Variants in ZNF507 observed in about 807,000 individuals in gnomAD.
The protein encoded by ZNF507 is zinc finger protein 507.
In ZNF507, 29 loss-of-function variants were observed where a neutral mutation model predicts 80.0. That is an observed-to-expected ratio of 0.36 (90% CI 0.27 to 0.49). The LOEUF is 0.49. Ranked by LOEUF, ZNF507 falls within the 20% of genes least tolerant of loss-of-function variation. The probability of loss-of-function intolerance (pLI) is 0.98; values close to 1 mark genes in which losing one functional copy is unlikely to be tolerated. For synonymous variants in ZNF507, 462 were observed against 422.5 expected (o/e 1.09, Z -1.15); for missense variants, 1,081 against 1,152.2 (o/e 0.94, Z 0.90).
At position 32,353,319 on chromosome 19, in the gene ZNF507, A is replaced by T; in HGVS notation, c.489A>T (p.Thr163=). 1.2e-6 allele frequency: 2 copies of T among 1,614,234 alleles called. No individual in the cohort carries two copies. Among genetic ancestry groups the T allele is most frequent in the South Asian group, 2.2e-5 (2 of 91,088 alleles). ...VILMCSECHI[T]SRSQEELEAH... ...TGATGTGCTCAGAGTGCCATATTAC[A>T]TCTAGAAGCCAGGAGGAACTTGAAG... is the stretch of plus-strand genomic sequence containing the variant. The change falls in exon 3 of 7, where the codon ACA becomes ACT. Residue 163 remains threonine, a synonymous_variant. Transcript: ENST00000355898.
At chr19:32,350,224 A>T (rs1361930471) in intron 2 of ZNF507, among the ~76,000 whole-genome samples, 6 of 142,902 alleles carry the variant, frequency 4.2e-5, no homozygotes, top group Non-Finnish European at 4.6e-5. Flanking sequence ...TTTAACAGAG[A>T]CTTGTTTTTA....
At chr19:32,349,184 G>C (rs1210914824) in intron 2 of ZNF507, among the ~76,000 whole-genome samples, 1 of 152,164 alleles carries the variant, frequency 6.6e-6, no homozygotes, top group African/African-American at 2.4e-5. Context: ...GAACCAGGAC[G>C]ATGAATATTC....
chr19:32,363,180 T>G (rs1001036052), intron 5 of ZNF507, among the ~76,000 whole-genome samples: 3 of 152,244 alleles, frequency 2.0e-5, no homozygotes, highest in African/African-American at 7.2e-5. Flanking sequence ...GGTGCACTTA[T>G]GGTCAGAGTT....
At chr19:32,372,667 C>T (rs1001337847) in intron 5 of ZNF507, among the ~76,000 whole-genome samples, 1 of 151,926 alleles carries the variant, frequency 6.6e-6, no homozygotes, top group Non-Finnish European at 1.5e-5. Flanking sequence ...CTCAAGAGAA[C>T]TAACTCATTC....
At chr19:32,376,159 A>G (rs755255795) in intron 5 of ZNF507, among the ~76,000 whole-genome samples, 15 of 152,220 alleles carry the variant, frequency 9.9e-5, no homozygotes, top group Non-Finnish European at 2.1e-4. Context: ...GCCTTCCATA[A>G]TTCCAATTTT....
chr19:32,371,824 A>G (rs187054505), intron 5 of ZNF507, among the ~76,000 whole-genome samples: 117 of 151,936 alleles, frequency 7.7e-4, no homozygotes, highest in Middle Eastern at 3.4e-3. Flanking sequence ...TATTTTTAGT[A>G]GAGACGGGGT....
rs772700892 is a variant in ZNF507 at position 32,360,533 on chromosome 19, AGATGT to A, written c.2282_2286del (p.Asp761ValfsTer2). The A allele has an allele frequency of 6.3e-7, 1 of 1,594,884 alleles. No individual in the cohort carries two copies. The highest frequency in any genetic ancestry group is 8.5e-7 in the Non-Finnish European group (1 of 1,172,080). On this transcript the variant is annotated frameshift_variant, in exon 5 of 7. Coordinates refer to ENST00000355898, the MANE Select transcript of ZNF507 (RefSeq NM_001136156.2). LOFTEE classifies it high-confidence loss of function. ...TAAGTCTTCAGTCCAGAAACAATATAGATGTGATGTGTGTGATTATACAAGTACAA... is the reference window on the plus strand; with the variant it reads ...TAAGTCTTCAGTCCAGAAACAATATAGATGTGTGTGATTATACAAGTACAA...
intron 5 of ZNF507, among the ~76,000 whole-genome samples, chr19:32,378,246 G>C (rs555079855): frequency 6.6e-6 from 1 of 152,034 alleles, no homozygotes; most frequent in Non-Finnish European, 1.5e-5. Context: ...CCAGCTACTC[G>C]GGAGGCTGAG....
rs1490894957 is a variant in ZNF507, at chr19:32,384,053, T to G, written c.*970T>G. On this transcript the variant is annotated 3_prime_UTR_variant, in exon 7 of 7. Coordinates refer to ENST00000355898, the MANE Select transcript of ZNF507 (RefSeq NM_001136156.2). The stretch of plus-strand genomic sequence containing the variant: ...CCCTTAGGGGATGAGGGGTGAAATT[T>G]AAAAGCTCCTGAAAATGAGTACTGC... The G allele has an allele frequency of 6.6e-6, 1 of 152,240 alleles. No individual in the cohort carries two copies. Among genetic ancestry groups the G allele is most frequent in the African/African-American group, 2.4e-5 (1 of 41,464 alleles). The allele number at this position is 152,240 out of a possible 1,614,324, so 9.4% of individuals were successfully genotyped here.
At chr19:32,361,056 A>AT (rs1395344083) in intron 5 of ZNF507, among the ~76,000 whole-genome samples, 1 of 152,216 alleles carries the variant, frequency 6.6e-6, no homozygotes, top group Non-Finnish European at 1.5e-5. Context: ...TTATGTTTTC[A>AT]TTTCATATGG....
chr19:32,374,188 A>ACACACACT (rs57164942), intron 5 of ZNF507, among the ~76,000 whole-genome samples: 229 of 145,836 alleles, frequency 1.6e-3, no homozygotes, highest in Non-Finnish European at 2.5e-3. Context: ...ACACACACAC[A>ACACACACT]CTCTCTCTCT....
At chr19:32,378,311 A>G (rs891742508) in intron 5 of ZNF507, among the ~76,000 whole-genome samples, 3 of 152,068 alleles carry the variant, frequency 2.0e-5, no homozygotes, top group Non-Finnish European at 4.4e-5. Flanking sequence ...CGAGACCACA[A>G]CGCTGCACTC....
chr19:32,372,670 A>C (rs1457448841), intron 5 of ZNF507, among the ~76,000 whole-genome samples: 1 of 151,792 alleles, frequency 6.6e-6, no homozygotes, highest in Admixed American at 6.6e-5. Context: ...AAGAGAACTA[A>C]CTCATTCCAA....
chr19:32,352,164 T>A (rs1026210707), intron 2 of ZNF507, among the ~76,000 whole-genome samples: 1 of 152,144 alleles, frequency 6.6e-6, no homozygotes. Flanking sequence ...GTGGTTTATC[T>A]TCAGGAAGAT....
Position 32,386,487 on chromosome 19 carries a change from T to G in ZNF507, c.*3404T>G, listed in dbSNP as rs1369863787. On this transcript the variant is annotated 3_prime_UTR_variant, in exon 7 of 7. Transcript: ENST00000355898. ...TCATGAACATGAATACATGTATTTT[T>G]TTAAGAAATAAGTATTGTGTAACAC... The G allele has an allele frequency of 6.6e-6, 1 of 152,668 alleles. No homozygotes were observed. The highest frequency in any genetic ancestry group is 1.5e-5 in the Non-Finnish European group (1 of 68,042). 9.5% of individuals were successfully genotyped at this position (152,668 alleles called of 1,614,324 possible).
At chr19:32,372,618 G>A (rs1967489100) in intron 5 of ZNF507, among the ~76,000 whole-genome samples, 1 of 151,972 alleles carries the variant, frequency 6.6e-6, no homozygotes. Context: ...GCGAAGAACG[G>A]AAGAACTGAG....
At position 32,386,229 on chromosome 19, in the gene ZNF507, G is replaced by C. The variant is rs565402505; in HGVS notation, c.*3146G>C. 8 of 152,570 alleles carry C rather than the reference G, an allele frequency of 5.2e-5. No homozygotes were observed. The highest frequency in any genetic ancestry group is 1.2e-4 in the African/African-American group (5 of 41,432). The allele number at this position is 152,570 out of a possible 1,614,324, so 9.5% of individuals were successfully genotyped here. A position where few individuals can be genotyped will look rare whatever the true frequency, so the allele number is the denominator to read the frequency against. The stretch of plus-strand genomic sequence containing the variant: ...TTTCTTCCTATTGAAGGTGGCTGCT[G>C]GTGGCTTCATAATTTTCTGTTTTTT... On this transcript the variant is annotated 3_prime_UTR_variant, in exon 7 of 7. Coordinates refer to ENST00000355898, the MANE Select transcript of ZNF507 (RefSeq NM_001136156.2).
chr19:32,378,416 TA>T (rs1967581148), intron 5 of ZNF507, among the ~76,000 whole-genome samples: 1 of 152,078 alleles, frequency 6.6e-6, no homozygotes, highest in Non-Finnish European at 1.5e-5. Flanking sequence ...ACGTGAGGAC[TA>T]AAAGCCATGT....
chr19:32,386,999 T>C lies in ZNF507; in HGVS notation c.*3916T>C, dbSNP rs1967698469. 1 of 152,252 alleles carries C rather than the reference T, an allele frequency of 6.6e-6. No homozygotes were observed. The highest frequency in any genetic ancestry group is 2.4e-5 in the African/African-American group (1 of 41,464). 9.4% of individuals were successfully genotyped at this position (152,252 alleles called of 1,614,324 possible). On this transcript the variant is annotated 3_prime_UTR_variant, in exon 7 of 7. Coordinates refer to ENST00000355898, the MANE Select transcript of ZNF507 (RefSeq NM_001136156.2). ...GACTCTTGATAACTTGTTAATCTGT[T>C]GCTGACTAGCATTAGACTGTTACAC...
Sources: allele counts gnomAD v4.1 joint callset (sites outside exome capture counted in the v4.1 genomes callset), GRCh38; gene constraint gnomAD v4.1.1; transcripts MANE v1.5; gene names NCBI Gene and HGNC (gene_info 2026-07-23, HGNC 2026-07-21).